Variants in TRIM34 observed in about 807,000 individuals in gnomAD.
The protein encoded by TRIM34 is tripartite motif containing 34, also known as E3 ubiquitin-protein ligase TRIM34.
TRIM34 carries 41 observed loss-of-function variants against 38.1 expected under a neutral mutation model. The observed-to-expected ratio is 1.08, with a 90% CI of 0.84 to 1.40. TRIM34 has a LOEUF of 1.40. TRIM34 is among the 40% of genes most tolerant of loss of function. The pLI is 0.00. For synonymous variants in TRIM34, 200 were observed against 202.5 expected (o/e 0.99, Z 0.10); for missense variants, 556 against 571.4 (o/e 0.97, Z 0.27).
intron 1 of TRIM34, among the ~76,000 whole-genome samples, chr11:5,629,948 C>T (rs1392485786): frequency 2.0e-5 from 3 of 152,250 alleles, no homozygotes; most frequent in South Asian, 2.1e-4. Flanking sequence ...CCTCGTGATC[C>T]GCCTGCCTCG....
intron 3 of TRIM34, 101 bp from the exon 4 acceptor site, chr11:5,634,530 C>CATATATATATATATATATATATATAT (rs112822638): frequency 4.9e-6 from 1 of 203,918 alleles, no homozygotes; most frequent in African/African-American, 3.4e-5. Context: ...CACACACACA[C>CATATATATATATATATATATATATAT]ATATATATAT....
rs1398842500 is a variant in TRIM34, at chr11:5,644,281, G to T, written c.*572G>T. 1 of 398,720 alleles carries T rather than the reference G, an allele frequency of 2.5e-6. No individual in the cohort carries two copies. The highest frequency in any genetic ancestry group is 1.3e-4 in the South Asian group (1 of 7,866). The allele number at this position is 398,720 out of a possible 1,614,324, so 24.7% of individuals were successfully genotyped here. On this transcript the variant is annotated 3_prime_UTR_variant, in exon 8 of 8. Transcript: ENST00000429814. ...TTTCTTTTTCCTGAAATATAAATTG[G>T]GATTTAAGACTGTACCTAACTATTA... is the stretch of plus-strand genomic sequence containing the variant.
intron 4 of TRIM34, among the ~76,000 whole-genome samples, chr11:5,635,849 C>G (rs192127468): frequency 6.6e-6 from 1 of 152,192 alleles, no homozygotes; most frequent in Admixed American, 6.5e-5. Context: ...ATTTTACACT[C>G]ATTAGTATGG....
intron 1 of TRIM34, 23 bp from the exon 2 acceptor site, chr11:5,632,232 C>A: frequency 6.4e-7 from 1 of 1,574,170 alleles, no homozygotes; most frequent in South Asian, 1.2e-5. Flanking sequence ...CATTCTTATA[C>A]CATCCCCTTT....
Position 5,641,091 on chromosome 11 carries a change from T to C in TRIM34, c.751-76T>C, listed in dbSNP as rs546050278. ...CTTCTGATTTTTCCATTTTTTTTCC[T>C]ACTGTTCTTCTTTCTTTCATTAGTC... On this transcript the variant is annotated intron_variant, in intron 4 of 7. Coordinates refer to ENST00000429814, the MANE Select transcript of TRIM34 (RefSeq NM_021616.6). 6 of 1,502,902 alleles carry C rather than the reference T, an allele frequency of 4.0e-6. No homozygotes were observed. The African/African-American group carries it at 7.0e-5, about 18-fold the overall frequency. The allele number at this position is 1,502,902 out of a possible 1,614,324, so 93.1% of individuals were successfully genotyped here.
chr11:5,631,055 A>G (rs1236954602), intron 1 of TRIM34, among the ~76,000 whole-genome samples: 3 of 152,192 alleles, frequency 2.0e-5, no homozygotes, highest in Non-Finnish European at 4.4e-5. Context: ...GCCAACAGCC[A>G]TCTCCTTGCT....
chr11:5,639,295 C>A (rs1353137596), intron 4 of TRIM34, among the ~76,000 whole-genome samples: 2 of 152,056 alleles, frequency 1.3e-5, no homozygotes, highest in Non-Finnish European at 2.9e-5. Context: ...GGAAACCTGA[C>A]CTGCCACAGT....
chr11:5,642,518 C>A lies in TRIM34; in HGVS notation c.874+12C>A, dbSNP rs780551991. ...GCAAATGTTTAGAGGTGAGGAGAAG[C>A]AGACAAAGACTGTGGATGTGGGATT... On this transcript the variant is annotated intron_variant, in intron 6 of 7. Coordinates refer to ENST00000429814, the MANE Select transcript of TRIM34 (RefSeq NM_021616.6). 2 of 1,612,366 alleles carry A rather than the reference C, an allele frequency of 1.2e-6. No homozygotes were observed. Among genetic ancestry groups the A allele is most frequent in the Non-Finnish European group, 1.7e-6 (2 of 1,179,138 alleles).
At chr11:5,639,230 A>C (rs1849877541) in intron 4 of TRIM34, among the ~76,000 whole-genome samples, 1 of 152,178 alleles carries the variant, frequency 6.6e-6, no homozygotes, top group African/African-American at 2.4e-5. Context: ...TAACTTACGC[A>C]TTCATCAAAA....
intron 4 of TRIM34, among the ~76,000 whole-genome samples, chr11:5,638,804 G>C (rs1849857382): frequency 6.6e-6 from 1 of 152,124 alleles, no homozygotes; most frequent in African/African-American, 2.4e-5. Flanking sequence ...TTTTTTCACA[G>C]TCCAATGAGA....
At chr11:5,627,634 A>T in intron 1 of TRIM34, among the ~76,000 whole-genome samples, 1 of 152,180 alleles carries the variant, frequency 6.6e-6, no homozygotes, top group Non-Finnish European at 1.5e-5. Context: ...TTGGGGAGAG[A>T]GTCATTAATG....
chr11:5,636,038 A>T (rs1276693920), intron 4 of TRIM34, among the ~76,000 whole-genome samples: 4 of 152,198 alleles, frequency 2.6e-5, no homozygotes, highest in African/African-American at 4.8e-5. Context: ...TCCTACCTAT[A>T]TACCTAGAAG....
At chr11:5,631,899 G>T (rs1849496891) in intron 1 of TRIM34, among the ~76,000 whole-genome samples, 1 of 152,142 alleles carries the variant, frequency 6.6e-6, no homozygotes, top group African/African-American at 2.4e-5. Flanking sequence ...AATAGATAAT[G>T]ATAATAAAAG....
intron 4 of TRIM34, among the ~76,000 whole-genome samples, chr11:5,635,756 A>C (rs532778058): frequency 6.6e-6 from 1 of 152,170 alleles, no homozygotes; most frequent in South Asian, 2.1e-4. Context: ...CTTATATCCC[A>C]GCTTTTTTTA....
At chr11:5,639,661 C>T (rs1411163841) in intron 4 of TRIM34, among the ~76,000 whole-genome samples, 2 of 106,592 alleles carry the variant, frequency 1.9e-5, no homozygotes, top group Non-Finnish European at 3.4e-5. Flanking sequence ...GCCTGGGTGA[C>T]AGAGTGAGAC....
chr11:5,638,848 T>G (rs1356779292), intron 4 of TRIM34, among the ~76,000 whole-genome samples: 3 of 152,230 alleles, frequency 2.0e-5, no homozygotes, highest in Non-Finnish European at 4.4e-5. Flanking sequence ...GGAGTTTATT[T>G]TTGCAACTGG....
chr11:5,637,385 G>A (rs1849793126), intron 4 of TRIM34, among the ~76,000 whole-genome samples: 1 of 152,168 alleles, frequency 6.6e-6, no homozygotes, highest in Non-Finnish European at 1.5e-5. Context: ...GAACGATCTA[G>A]ACAGAAAGAC....
chr11:5,641,499 C>A (rs1169990432), intron 5 of TRIM34, among the ~76,000 whole-genome samples: 1 of 152,140 alleles, frequency 6.6e-6, no homozygotes, highest in Non-Finnish European at 1.5e-5. Context: ...TCCCTGCATC[C>A]AGCCCTGGAT....
intron 1 of TRIM34, 93 bp downstream of exon 1, chr11:5,625,153 T>C (rs1333387752): frequency 2.0e-5 from 3 of 152,104 alleles, no homozygotes; most frequent in Non-Finnish European, 4.4e-5. Context: ...TGGCCCCAAG[T>C]CTCCCCTGCT....
Sources: allele counts gnomAD v4.1 joint callset (sites outside exome capture counted in the v4.1 genomes callset), GRCh38; gene constraint gnomAD v4.1.1; transcripts MANE v1.5; gene names NCBI Gene and HGNC (gene_info 2026-07-23, HGNC 2026-07-21).